Variants in FXR1 observed in about 807,000 individuals in gnomAD.
FXR1 encodes the protein RNA-binding protein FXR1.
FXR1 carries 15 observed loss-of-function variants against 84.0 expected under a neutral mutation model. The ratio of observed to expected loss-of-function variants is 0.18; its 90% confidence interval spans 0.12 to 0.27. FXR1 has a LOEUF of 0.27. Among genes scored for constraint, FXR1 ranks in the 10% least tolerant of loss-of-function variants. The pLI, the probability that FXR1 is intolerant of heterozygous loss-of-function variation, is 1.00. For synonymous variants in FXR1, 245 were observed against 250.7 expected (o/e 0.98, Z 0.21); for missense variants, 480 against 774.4 (o/e 0.62, Z 4.51).
chr3:180,978,176 T>C lies in FXR1; in HGVS notation c.*1884T>C, dbSNP rs1714405285. 1 of 132,576 alleles carries C rather than the reference T, an allele frequency of 7.5e-6. No homozygotes were observed. Among genetic ancestry groups the C allele is most frequent in the Non-Finnish European group, 1.5e-5 (1 of 66,110 alleles). 8.2% of individuals were successfully genotyped at this position (132,576 alleles called of 1,614,324 possible). A position where few individuals can be genotyped will look rare whatever the true frequency, so the allele number is the denominator to read the frequency against. On this transcript the variant is annotated 3_prime_UTR_variant, in exon 17 of 17. Coordinates refer to ENST00000357559, the MANE Select transcript of FXR1 (RefSeq NM_005087.4). The stretch of plus-strand genomic sequence containing the variant: ...TTAATTAATGCCAAATTGGTAAATA[T>C]GGTGTAAAAAAAAAAAAAAAGACTT...
intron 9 of FXR1, among the ~76,000 whole-genome samples, chr3:180,957,075 TTATGTGAG>T (rs1722812719): frequency 1.3e-5 from 2 of 152,220 alleles, no homozygotes; most frequent in Admixed American, 1.3e-4. Flanking sequence ...GCTTTGTTAT[TTATGTGAG>T]TATGTGCTAA....
intron 10 of FXR1, among the ~76,000 whole-genome samples, chr3:180,959,057 C>G (rs1013485900): frequency 6.6e-6 from 1 of 152,058 alleles, no homozygotes; most frequent in South Asian, 2.1e-4. Context: ...CCACCTGCCT[C>G]CACCTCCCAA....
chr3:180,961,355 AAAAAAAAAAAAAG>A (rs57556102), intron 10 of FXR1, 100 bp from the exon 11 acceptor site: 10,866 of 446,354 alleles, frequency 0.024, 847 homozygotes, highest in African/African-American at 0.17. Context: ...AAAAAAAAAA[AAAAAAAAAAAAAG>A]GTGTGTGTGT....
chr3:180,932,035 ATTAC>A (rs1415507274), intron 1 of FXR1, among the ~76,000 whole-genome samples: 3 of 117,846 alleles, frequency 2.5e-5, no homozygotes, highest in Non-Finnish European at 5.2e-5. Context: ...TTTGTTTTTT[ATTAC>A]TTAAGTTACC....
At chr3:180,925,664 T>C (rs1048421125) in intron 1 of FXR1, among the ~76,000 whole-genome samples, 1 of 152,166 alleles carries the variant, frequency 6.6e-6, no homozygotes, top group Non-Finnish European at 1.5e-5. Context: ...ATGCCATCCA[T>C]TGTAAGAAGC....
intron 1 of FXR1, among the ~76,000 whole-genome samples, chr3:180,917,802 C>CCA (rs1419214454): frequency 1.3e-5 from 2 of 151,818 alleles, no homozygotes; most frequent in Non-Finnish European, 2.9e-5. Context: ...CAAAAATTAG[C>CCA]CAGGTGTGGT....
At chr3:180,917,685 A>G (rs1718063859) in intron 1 of FXR1, among the ~76,000 whole-genome samples, 1 of 152,172 alleles carries the variant, frequency 6.6e-6, no homozygotes, top group South Asian at 2.1e-4. Flanking sequence ...GCCGTGGCTC[A>G]TGCCTGTAAT....
chr3:180,942,403 A>AAAAAAAT (rs1559993904), intron 3 of FXR1, among the ~76,000 whole-genome samples: 12 of 151,344 alleles, frequency 7.9e-5, no homozygotes, highest in African/African-American at 2.7e-4. Context: ...AAAAAAAAAA[A>AAAAAAAT]AAGGCATAGG....
intron 3 of FXR1, among the ~76,000 whole-genome samples, chr3:180,942,717 T>C (rs1333224191): frequency 6.6e-6 from 1 of 152,156 alleles, no homozygotes; most frequent in East Asian, 1.9e-4. Flanking sequence ...GTGTGGGCCA[T>C]TTGAGAGTGT....
intron 15 of FXR1, among the ~76,000 whole-genome samples, chr3:180,972,696 C>A (rs1713734421): frequency 6.6e-6 from 1 of 152,190 alleles, no homozygotes; most frequent in Non-Finnish European, 1.5e-5. Context: ...TTAATTGCAA[C>A]TTGAGTAGTT....
intron 8 of FXR1, among the ~76,000 whole-genome samples, chr3:180,953,240 G>A (rs1722414100): frequency 1.3e-5 from 2 of 152,090 alleles, no homozygotes; most frequent in South Asian, 4.1e-4. Flanking sequence ...CCCTCTAGTT[G>A]TTTAAAATTG....
chr3:180,967,530 C>CTAA (rs1378405713), intron 13 of FXR1, among the ~76,000 whole-genome samples: 1 of 150,714 alleles, frequency 6.6e-6, no homozygotes, highest in African/African-American at 2.4e-5. Flanking sequence ...ACTATCCATA[C>CTAA]TAAGTACATT....
chr3:180,946,054 A>G (rs1426108085), intron 3 of FXR1, among the ~76,000 whole-genome samples: 1 of 152,182 alleles, frequency 6.6e-6, no homozygotes, highest in African/African-American at 2.4e-5. Context: ...ATAATTAGAA[A>G]GGCCTTCCTC....
rs777944237 is a variant in FXR1 at position 180,961,421 on chromosome 3, T to G, written c.991-47T>G. 4.2e-6 allele frequency: 4 copies of G among 962,728 alleles called. No homozygotes were observed. The South Asian group carries it at 5.5e-5, about 13-fold the overall frequency. 59.6% of individuals were successfully genotyped at this position (962,728 alleles called of 1,614,324 possible). Reference sequence around the variant, plus strand: ...TTTCATGTCACTTTTAGGCTAGAACTTTGTTAAAATATTAAACACTGAATA... The same window carrying G: ...TTTCATGTCACTTTTAGGCTAGAACGTTGTTAAAATATTAAACACTGAATA... On this transcript the variant is annotated intron_variant, in intron 10 of 16. Coordinates refer to ENST00000357559, the MANE Select transcript of FXR1 (RefSeq NM_005087.4).
chr3:180,948,203 A>T, intron 4 of FXR1, 144 bp from the exon 5 acceptor site: 1 of 651,498 alleles, frequency 1.5e-6, no homozygotes, highest in East Asian at 2.7e-5. Context: ...GGCAAATCAG[A>T]TTGATGTAGC....
chr3:180,928,698 TA>T (rs1284098579), intron 1 of FXR1, among the ~76,000 whole-genome samples: 1 of 152,196 alleles, frequency 6.6e-6, no homozygotes, highest in Non-Finnish European at 1.5e-5. Flanking sequence ...TTTTTTTGTA[TA>T]AAATTTTTAT....
intron 1 of FXR1, among the ~76,000 whole-genome samples, chr3:180,930,054 G>T (rs531441499): frequency 1.9e-4 from 29 of 152,088 alleles, no homozygotes; most frequent in Non-Finnish European, 4.3e-4. Context: ...TCACGAGGTC[G>T]GAGTTCGAGA....
chr3:180,921,328 A>G (rs1369403713), intron 1 of FXR1, among the ~76,000 whole-genome samples: 2 of 151,748 alleles, frequency 1.3e-5, no homozygotes, highest in Non-Finnish European at 2.9e-5. Context: ...CAGTGAGCCA[A>G]GATCACGCCA....
rs1714463192 is a variant in FXR1 at position 180,978,862 on chromosome 3, G to A, written c.*2570G>A. On this transcript the variant is annotated 3_prime_UTR_variant, in exon 17 of 17. Transcript: ENST00000357559. ...CCTGCTTTTCCTGAAGCTTTGGGAG[G>A]CCTAGGATTCTTGCTTTAGGCATCA... is the stretch of plus-strand genomic sequence containing the variant. 6.6e-6 allele frequency: 1 copy of A among 152,118 alleles called. No homozygotes were observed. 9.4% of individuals were successfully genotyped at this position (152,118 alleles called of 1,614,324 possible).
Sources: gnomAD v4.1 joint callset for allele counts (sites outside exome capture counted in the v4.1 genomes callset) on GRCh38, gnomAD v4.1.1 for gene constraint, MANE v1.5 for transcripts, NCBI Gene and HGNC (gene_info 2026-07-23, HGNC 2026-07-21) for gene names.